The following AUTS2 variants were observed in gnomAD, a reference collection of about 807,000 sequenced individuals.
AUTS2 encodes the protein autism susceptibility gene 2 protein.
AUTS2 carries 17 observed loss-of-function variants against 112.4 expected under a neutral mutation model. The ratio of observed to expected loss-of-function variants is 0.15; its 90% CI spans 0.10 to 0.23. The LOEUF (loss-of-function observed/expected upper bound fraction) is 0.23, where lower values mean the gene tolerates loss of function less well. Among genes scored for constraint, AUTS2 ranks in the 10% least tolerant of loss-of-function variants. The probability of loss-of-function intolerance (pLI) is 1.00; values close to 1 mark genes in which losing one functional copy is unlikely to be tolerated. For synonymous variants in AUTS2, 751 were observed against 702.7 expected (o/e 1.07, Z -1.09); for missense variants, 1,510 against 1,701.6 (o/e 0.89, Z 1.98).
intron 2 of AUTS2, among the ~76,000 whole-genome samples, chr7:69,923,035 G>A (rs1332617917): frequency 6.6e-6 from 1 of 152,070 alleles, no homozygotes; most frequent in Non-Finnish European, 1.5e-5. Context: ...GGTATGCGTT[G>A]GTCCATGTTA....
chr7:70,410,066 C>A (rs962398843), intron 4 of AUTS2, among the ~76,000 whole-genome samples: 4 of 152,174 alleles, frequency 2.6e-5, no homozygotes, highest in Non-Finnish European at 4.4e-5. Context: ...GGTGTTAGAA[C>A]TTTTTCCCTC....
At chr7:70,639,178 CA>C (rs1805678457) in intron 5 of AUTS2, among the ~76,000 whole-genome samples, 1 of 152,174 alleles carries the variant, frequency 6.6e-6, no homozygotes, top group South Asian at 2.1e-4. Flanking sequence ...CCGCCACCAC[CA>C]CACCAAAAGT....
chr7:70,727,853 G>C (rs1383348270), intron 6 of AUTS2, among the ~76,000 whole-genome samples: 3 of 152,166 alleles, frequency 2.0e-5, no homozygotes, highest in African/African-American at 2.4e-5. Flanking sequence ...ATGAAGGAAG[G>C]CTTCCATTTG....
At chr7:70,498,583 T>C (rs1280887739) in intron 5 of AUTS2, among the ~76,000 whole-genome samples, 3 of 151,534 alleles carry the variant, frequency 2.0e-5, no homozygotes, top group Non-Finnish European at 4.4e-5. Flanking sequence ...AGGTGGGGGG[T>C]TGGTGGGCAG....
intron 1 of AUTS2, among the ~76,000 whole-genome samples, chr7:69,704,722 T>A (rs2129192968): frequency 6.6e-6 from 1 of 152,316 alleles, no homozygotes; most frequent in Non-Finnish European, 1.5e-5. Context: ...CATTGTCTGA[T>A]TACACTATTC....
At chr7:70,722,525 T>A (rs918384914) in intron 6 of AUTS2, among the ~76,000 whole-genome samples, 25 of 152,234 alleles carry the variant, frequency 1.6e-4, no homozygotes, top group Admixed American at 3.9e-4. Flanking sequence ...TTGTAGAGAT[T>A]AGTTTGTTGC....
Position 70,056,671 on chromosome 7 carries a change from G to T in AUTS2, c.523-61461G>T, listed in dbSNP as rs565739855. The stretch of plus-strand genomic sequence containing the variant: ...TAGAGTTTCTACAACCTGCATTGAG[G>T]CCCTGAGCATGAAGAATGGAGTGTT... On this transcript the variant is annotated intron_variant, in intron 2 of 18. Coordinates refer to ENST00000342771, the MANE Select transcript of AUTS2 (RefSeq NM_015570.4). Among the ~76,000 whole-genome samples, 9 of 152,272 alleles carry T rather than the reference G, an allele frequency of 5.9e-5. No homozygotes were observed. In the South Asian group the frequency reaches 1.2e-3, roughly 21 times the overall value.
chr7:69,779,869 T>C (rs1213240783), intron 1 of AUTS2, among the ~76,000 whole-genome samples: 1 of 152,136 alleles, frequency 6.6e-6, no homozygotes, highest in Non-Finnish European at 1.5e-5. Context: ...TTTGTGTATT[T>C]TTTTCAGACA....
Position 70,629,484 on chromosome 7 carries a change from GA to G in AUTS2, c.691-69074del, listed in dbSNP as rs902097983. 6.8e-3 allele frequency among the ~76,000 whole-genome samples: 974 copies of G among 142,326 alleles called. 16 individuals are homozygous for G. The highest frequency in any genetic ancestry group is 0.022 in the African/African-American group (869 of 39,042). The allele number at this position is 142,326 out of a possible 152,430, so 93.4% of individuals were successfully genotyped here. On this transcript the variant is annotated intron_variant, in intron 5 of 18. Transcript: ENST00000342771. ...GAGACTCCATCTCAAAAAAAGGGAA[GA>G]AAAAAAAAAAGCCCACAGCTAAAAG...
intron 1 of AUTS2, among the ~76,000 whole-genome samples, chr7:69,705,389 G>T (rs934212359): frequency 2.0e-5 from 3 of 152,174 alleles, no homozygotes; most frequent in African/African-American, 7.2e-5. Flanking sequence ...ATAATAGGCG[G>T]TTTATAAGTA....
In AUTS2 at chr7:70,631,561, G is replaced by A. The variant is rs1316550982; in HGVS notation, c.691-67008G>A. 1.3e-5 allele frequency among the ~76,000 whole-genome samples: 2 copies of A among 152,148 alleles called. No homozygotes were observed. The highest frequency in any genetic ancestry group is 1.9e-4 in the East Asian group (1 of 5,180). On this transcript the variant is annotated intron_variant, in intron 5 of 18. Coordinates refer to ENST00000342771, the MANE Select transcript of AUTS2 (RefSeq NM_015570.4). This position sits in a 1 kb window ranked among gnomAD's most constrained non-coding sequence, Gnocchi z 4.5. ...AGAGCGCTGTCCCAGTGGTGGCCCC[G>A]AGGCCACAGGTTCTGTCCCAGATGT... is the stretch of plus-strand genomic sequence containing the variant.
intron 1 of AUTS2, among the ~76,000 whole-genome samples, chr7:69,634,954 T>C (rs1794448470): frequency 6.6e-6 from 1 of 152,136 alleles, no homozygotes; most frequent in South Asian, 2.1e-4. Flanking sequence ...GGCAAAATGT[T>C]CTAAGTAAAT....
At chr7:70,541,967 G>A (rs1013117636) in intron 5 of AUTS2, among the ~76,000 whole-genome samples, 2 of 152,222 alleles carry the variant, frequency 1.3e-5, no homozygotes, top group Non-Finnish European at 2.9e-5. Flanking sequence ...TGATGTGAAT[G>A]TGGAACCTAA....
At chr7:69,990,399 A>C (rs1261986476) in intron 2 of AUTS2, among the ~76,000 whole-genome samples, 1 of 152,124 alleles carries the variant, frequency 6.6e-6, no homozygotes, top group Non-Finnish European at 1.5e-5. Flanking sequence ...TATCTAGTTC[A>C]TTTTCATGTT....
At chr7:70,077,205 T>C (rs1347139957) in intron 2 of AUTS2, among the ~76,000 whole-genome samples, 1 of 150,512 alleles carries the variant, frequency 6.6e-6, no homozygotes, top group Non-Finnish European at 1.5e-5. Context: ...CATCTGTTGC[T>C]GACCTTGTGG....
chr7:69,783,609 G>T (rs1789239996), intron 1 of AUTS2, among the ~76,000 whole-genome samples: 1 of 152,112 alleles, frequency 6.6e-6, no homozygotes. Flanking sequence ...ATTAGGGAAG[G>T]ACTTCCTGTG....
intron 1 of AUTS2, among the ~76,000 whole-genome samples, chr7:69,747,629 A>T (rs1287396231): frequency 6.6e-6 from 1 of 152,200 alleles, no homozygotes; most frequent in Admixed American, 6.5e-5. Context: ...GGTAGATTTC[A>T]AATTCAGTTC....
chr7:70,125,108 A>T (rs1262983469), intron 3 of AUTS2, among the ~76,000 whole-genome samples: 3 of 152,110 alleles, frequency 2.0e-5, no homozygotes, highest in Non-Finnish European at 4.4e-5. Flanking sequence ...ACTATGGGTC[A>T]TATTTTCCTG....
Position 70,125,468 on chromosome 7 carries a change from C to T in AUTS2, c.624+7235C>T, listed in dbSNP as rs188154745. Among the ~76,000 whole-genome samples the T allele has an allele frequency of 1.6e-3, 237 of 152,274 alleles. 2 individuals carry two copies. The highest frequency in any genetic ancestry group is 7.7e-4 in the East Asian group (4 of 5,186). ...CTTGTGTGGGCTTTGTAAGTTCTTC[C>T]TCCTCCTTCCCAGTGGTGGTTTTCC... On this transcript the variant is annotated intron_variant, in intron 3 of 18. Coordinates refer to ENST00000342771, the MANE Select transcript of AUTS2 (RefSeq NM_015570.4).
Sources: allele counts gnomAD v4.1 joint callset (sites outside exome capture counted in the v4.1 genomes callset), GRCh38; gene constraint gnomAD v4.1.1; non-coding constraint Gnocchi (gnomAD v3.1); transcripts MANE v1.5; gene names NCBI Gene and HGNC (gene_info 2026-07-23, HGNC 2026-07-21).